DPYD: variants seen among roughly 807,000 people sequenced by gnomAD.
The protein encoded by DPYD is dihydropyrimidine dehydrogenase, also known as dihydropyrimidine dehydrogenase [NADP(+)].
A neutral mutation model predicts 116.2 loss-of-function variants in DPYD; 109 were observed. The ratio of observed to expected loss-of-function variants is 0.94; its 90% CI spans 0.80 to 1.10. The LOEUF is 1.10. DPYD is among the 50% of genes least tolerant of loss of function. DPYD has a pLI of 0.00. For synonymous variants in DPYD, 440 were observed against 432.0 expected, an observed-to-expected ratio of 1.02 and a Z score of -0.23; for missense variants, 1,302 against 1,254.5, an observed-to-expected ratio of 1.04 and a Z score of -0.57.
chr1:97,666,589 G>T (rs1453095128), intron 8 of DPYD, among the ~76,000 whole-genome samples: 1 of 152,018 alleles, frequency 6.6e-6, no homozygotes, highest in Non-Finnish European at 1.5e-5. Flanking sequence ...AAAAACAGCA[G>T]CTTGTGTTAG....
chr1:97,411,908 T>G (rs1674017155), intron 14 of DPYD, among the ~76,000 whole-genome samples: 1 of 152,200 alleles, frequency 6.6e-6, no homozygotes, highest in African/African-American at 2.4e-5. Flanking sequence ...AAGTTCCTGT[T>G]AAATTCATAT....
intron 8 of DPYD, among the ~76,000 whole-genome samples, chr1:97,665,255 G>A (rs763598489): frequency 1.6e-4 from 24 of 152,064 alleles, no homozygotes; most frequent in Non-Finnish European, 2.9e-4. Context: ...TTACTTGACT[G>A]TGCCAGAGTG....
At chr1:97,733,901 G>A (rs921216256) in intron 4 of DPYD, among the ~76,000 whole-genome samples, 1 of 151,916 alleles carries the variant, frequency 6.6e-6, no homozygotes, top group African/African-American at 2.4e-5. Flanking sequence ...TAATATGCAA[G>A]CAGGCTAATT....
intron 20 of DPYD, among the ~76,000 whole-genome samples, chr1:97,105,995 T>C (rs2101613289): frequency 6.6e-6 from 1 of 152,230 alleles, no homozygotes; most frequent in African/African-American, 2.4e-5. Context: ...TATCTATAGA[T>C]AGGGCTCTGA....
chr1:97,382,016 C>G (rs1432361411), intron 15 of DPYD, among the ~76,000 whole-genome samples: 1 of 152,128 alleles, frequency 6.6e-6, no homozygotes, highest in African/African-American at 2.4e-5. Context: ...CTCTTACTGT[C>G]AAACTAGTTT....
At chr1:97,743,518 T>C (rs1165450404) in intron 3 of DPYD, among the ~76,000 whole-genome samples, 1 of 152,138 alleles carries the variant, frequency 6.6e-6, no homozygotes, top group Non-Finnish European at 1.5e-5. Flanking sequence ...AGTGTTGACC[T>C]ATTTTTCTAT....
At chr1:97,716,404 T>A (rs919079249) in intron 5 of DPYD, among the ~76,000 whole-genome samples, 1 of 152,168 alleles carries the variant, frequency 6.6e-6, no homozygotes, top group African/African-American at 2.4e-5. Context: ...ACATTTTGTG[T>A]CAGTGAATGG....
At chr1:97,145,773 CT>C (rs530105488) in intron 20 of DPYD, among the ~76,000 whole-genome samples, 48 of 126,834 alleles carry the variant, frequency 3.8e-4, no homozygotes, top group South Asian at 5.3e-4. Context: ...CATTGTTTGA[CT>C]TTTTTTTTTT....
intron 21 of DPYD, among the ~76,000 whole-genome samples, chr1:97,083,384 C>A (rs1649300309): frequency 6.6e-6 from 1 of 151,940 alleles, no homozygotes; most frequent in South Asian, 2.1e-4. Context: ...TTTGGTATTG[C>A]ATTTTCTGCT....
intron 19 of DPYD, among the ~76,000 whole-genome samples, chr1:97,230,681 A>C (rs1470899465): frequency 6.6e-6 from 1 of 152,218 alleles, no homozygotes; most frequent in Non-Finnish European, 1.5e-5. Flanking sequence ...CTATTGGGAC[A>C]TTTCATGGAG....
intron 18 of DPYD, among the ~76,000 whole-genome samples, chr1:97,289,706 C>G (rs1202427024): frequency 6.6e-6 from 1 of 152,136 alleles, no homozygotes; most frequent in Non-Finnish European, 1.5e-5. Context: ...TAAGAGCTAT[C>G]TATGACTAAC....
intron 20 of DPYD, among the ~76,000 whole-genome samples, chr1:97,130,466 T>C (rs561670046): frequency 6.6e-6 from 1 of 152,288 alleles, no homozygotes; most frequent in African/African-American, 2.4e-5. Context: ...ATTGCTCCAC[T>C]TTTTGCATTA....
intron 16 of DPYD, among the ~76,000 whole-genome samples, chr1:97,329,485 G>C (rs540850789): frequency 6.6e-6 from 1 of 151,860 alleles, no homozygotes; most frequent in African/African-American, 2.4e-5. Flanking sequence ...AGTGGTTTAC[G>C]CCTGTAATCT....
At chr1:97,370,569 G>T (rs904320707) in intron 16 of DPYD, among the ~76,000 whole-genome samples, 1 of 152,092 alleles carries the variant, frequency 6.6e-6, no homozygotes, top group Non-Finnish European at 1.5e-5. Flanking sequence ...ATGTATCCCA[G>T]AACTTAAAGC....
Position 97,193,235 on chromosome 1 carries a change from A to C in DPYD, c.2456T>G (p.Ile819Ser), listed in dbSNP as rs762446803. ...GATCACAGTGAAATCCTGATTCTGA[A>C]TGGCACTGCATACCTAGAAAAGACA... ...GASVLQVCSA[I>S]QNQDFTVIED... Residue 819 changes from isoleucine (I) to serine (S), a missense_variant, in exon 20 of 23, where the codon ATT (isoleucine) becomes AGT (serine). Coordinates refer to ENST00000370192, the MANE Select transcript of DPYD (RefSeq NM_000110.4). The C allele has an allele frequency of 6.2e-7, 1 of 1,613,558 alleles. No individual in the cohort carries two copies. Among genetic ancestry groups the C allele is most frequent in the East Asian group, 2.2e-5 (1 of 44,756 alleles).
intron 5 of DPYD, among the ~76,000 whole-genome samples, chr1:97,717,640 C>T (rs1194236541): frequency 2.0e-5 from 3 of 152,020 alleles, no homozygotes; most frequent in African/African-American, 7.2e-5. Flanking sequence ...TTGTATCATT[C>T]TTATGCTTTT....
intron 20 of DPYD, among the ~76,000 whole-genome samples, chr1:97,134,987 A>G: frequency 6.8e-6 from 1 of 148,064 alleles, no homozygotes; most frequent in East Asian, 1.9e-4. Flanking sequence ...TTATATATAT[A>G]TATTTTTTTT....
intron 20 of DPYD, among the ~76,000 whole-genome samples, chr1:97,173,283 C>CATATGTAT (rs760885091): frequency 1.7e-5 from 2 of 120,340 alleles, no homozygotes; most frequent in African/African-American, 5.7e-5. Context: ...TATATGCACA[C>CATATGTAT]ATATATGTAC....
chr1:97,893,786 C>A (rs12406713), intron 1 of DPYD, among the ~76,000 whole-genome samples: 1 of 151,454 alleles, frequency 6.6e-6, no homozygotes, highest in Non-Finnish European at 1.5e-5. Flanking sequence ...GGAAGCTCTT[C>A]GTCTGTCTTT....
Sources: allele counts gnomAD v4.1 joint callset (sites outside exome capture counted in the v4.1 genomes callset), GRCh38; gene constraint gnomAD v4.1.1; transcripts MANE v1.5; gene names NCBI Gene and HGNC (gene_info 2026-07-23, HGNC 2026-07-21).